Variants in FAR2 observed in about 807,000 individuals in gnomAD.
FAR2 encodes fatty acyl-CoA reductase 2.
A neutral mutation model predicts 56.0 loss-of-function variants in FAR2; 19 were observed. The ratio of observed to expected loss-of-function variants is 0.34; its 90% CI spans 0.24 to 0.50. FAR2 has a LOEUF of 0.50. Ranked by LOEUF, FAR2 falls within the 20% of genes least tolerant of loss-of-function variation. The pLI, the probability that FAR2 is intolerant of heterozygous loss-of-function variation, is 0.98. For synonymous variants in FAR2, 219 were observed against 218.8 expected, an observed-to-expected ratio of 1.00 and a Z score of -0.01; for missense variants, 508 against 642.2, an observed-to-expected ratio of 0.79 and a Z score of 2.26.
chr12:29,186,641 AT>A (rs1950043077), intron 1 of FAR2, among the ~76,000 whole-genome samples: 1 of 152,124 alleles, frequency 6.6e-6, no homozygotes, highest in African/African-American at 2.4e-5. Flanking sequence ...TTTCTGAAAA[AT>A]ATGCAATATC....
At chr12:29,172,246 C>G (rs773345478) in intron 1 of FAR2, among the ~76,000 whole-genome samples, 4 of 149,646 alleles carry the variant, frequency 2.7e-5, no homozygotes, top group Non-Finnish European at 5.9e-5. Flanking sequence ...TGGTCGCTGC[C>G]CCATCTGGGA....
intron 1 of FAR2, among the ~76,000 whole-genome samples, chr12:29,149,804 G>A (rs949311775): frequency 6.6e-6 from 1 of 152,216 alleles, no homozygotes; most frequent in African/African-American, 2.4e-5. Context: ...GGCCTCCTGG[G>A]CCCTTGGGGC....
At chr12:29,240,532 A>T (rs77727512) in intron 1 of FAR2, among the ~76,000 whole-genome samples, 19 of 127,498 alleles carry the variant, frequency 1.5e-4, no homozygotes, top group Non-Finnish European at 2.2e-4. Flanking sequence ...TTTTTTTTTT[A>T]ATTTGAAAAT....
chr12:29,306,512 G>T (rs1263598661), intron 4 of FAR2, among the ~76,000 whole-genome samples: 1 of 152,112 alleles, frequency 6.6e-6, no homozygotes, highest in African/African-American at 2.4e-5. Flanking sequence ...AAATAGTATA[G>T]TTCTGTTCTG....
intron 1 of FAR2, chr12:29,223,628 A>G (rs950308232): frequency 7.9e-5 from 12 of 152,312 alleles, no homozygotes; most frequent in East Asian, 1.9e-4. Flanking sequence ...ATTTCACAAT[A>G]CAAAGATGAT....
chr12:29,324,092 G>A (rs140331445), intron 10 of FAR2, among the ~76,000 whole-genome samples: 2,032 of 152,294 alleles, frequency 0.013, 22 homozygotes, highest in Non-Finnish European at 0.022. Flanking sequence ...CGAGAACTAC[G>A]TGACGAATGC....
intron 1 of FAR2, among the ~76,000 whole-genome samples, chr12:29,174,563 G>T (rs1949918888): frequency 1.3e-5 from 2 of 150,770 alleles, no homozygotes; most frequent in Admixed American, 1.3e-4. Flanking sequence ...TGGCACTACA[G>T]GGGCCCACCA....
chr12:29,194,715 G>A (rs957148256), intron 1 of FAR2, among the ~76,000 whole-genome samples: 10 of 152,142 alleles, frequency 6.6e-5, no homozygotes, highest in African/African-American at 2.2e-4. Context: ...CAGGGTTGGG[G>A]TGAGGGTGGC....
At chr12:29,262,155 A>T (rs943778439) in intron 1 of FAR2, among the ~76,000 whole-genome samples, 1 of 152,228 alleles carries the variant, frequency 6.6e-6, no homozygotes, top group African/African-American at 2.4e-5. Context: ...AAAGTTAAAA[A>T]GTGGCAAGAT....
At chr12:29,332,863 T>C (rs1565529769) in intron 11 of FAR2, 136 bp downstream of exon 11, 1 of 819,738 alleles carries the variant, frequency 1.2e-6, no homozygotes, top group Non-Finnish European at 2.0e-6. Context: ...CTCCATACTC[T>C]ACCCTGTAAC....
chr12:29,330,184 G>T (rs540294264), intron 10 of FAR2, among the ~76,000 whole-genome samples: 1 of 150,448 alleles, frequency 6.6e-6, no homozygotes, highest in South Asian at 2.1e-4. Flanking sequence ...AACCTCCCAA[G>T]TAGCTGCGAC....
chr12:29,270,586 C>T lies in FAR2; in HGVS notation c.137C>T (p.Pro46Leu), dbSNP rs1565498021. The T allele has an allele frequency of 6.2e-7, 1 of 1,613,986 alleles. No individual in the cohort carries two copies. Among genetic ancestry groups the T allele is most frequent in the Non-Finnish European group, 8.5e-7 (1 of 1,179,928 alleles). ...AAAGTCATTTACATCCTTGTGAGGCCCAAGGCTGGCCAGACACTGCAGCAG... is the reference window on the plus strand; with the variant it reads ...AAAGTCATTTACATCCTTGTGAGGCTCAAGGCTGGCCAGACACTGCAGCAG... ...DLKVIYILVR[P>L]KAGQTLQQRV... Residue 46 changes from proline to leucine, a missense_variant, in exon 2 of 12, where the codon CCC becomes CTC. Physicochemically the swap from Pro to Leu is moderately conservative, Grantham distance 98 (BLOSUM62 -3). Transcript: ENST00000536681.
At chr12:29,315,154 A>C (rs1273657100) in intron 8 of FAR2, among the ~76,000 whole-genome samples, 1 of 152,222 alleles carries the variant, frequency 6.6e-6, no homozygotes, top group Non-Finnish European at 1.5e-5. Flanking sequence ...ATGGCCAAGG[A>C]AAGTCTCCCT....
intron 1 of FAR2, among the ~76,000 whole-genome samples, chr12:29,266,589 C>A (rs1565496133): frequency 6.6e-6 from 1 of 151,828 alleles, no homozygotes; most frequent in Admixed American, 6.6e-5. Flanking sequence ...GATATCAAAA[C>A]AGGGTGACTA....
intron 10 of FAR2, among the ~76,000 whole-genome samples, chr12:29,326,817 G>C (rs1156718120): frequency 2.0e-5 from 3 of 152,062 alleles, no homozygotes; most frequent in Admixed American, 1.3e-4. Context: ...ACAAAAACTG[G>C]AAGCATTCCC....
At chr12:29,229,433 A>G (rs1330683922) in intron 1 of FAR2, among the ~76,000 whole-genome samples, 3 of 152,228 alleles carry the variant, frequency 2.0e-5, no homozygotes, top group Non-Finnish European at 2.9e-5. Flanking sequence ...GTGTTGAGGA[A>G]CAAAAATAAA....
chr12:29,235,315 A>G (rs1433548924), intron 1 of FAR2, among the ~76,000 whole-genome samples: 38 of 152,228 alleles, frequency 2.5e-4, no homozygotes, highest in Admixed American at 2.5e-3. Flanking sequence ...ATTCCAAACA[A>G]TAGCTGGGAT....
chr12:29,269,449 A>G (rs985328662), intron 1 of FAR2, among the ~76,000 whole-genome samples: 5 of 152,260 alleles, frequency 3.3e-5, no homozygotes, highest in African/African-American at 1.2e-4. Context: ...TCAAACACAC[A>G]TGCTGTACAA....
chr12:29,213,655 A>T (rs997145781), intron 1 of FAR2, among the ~76,000 whole-genome samples: 1 of 147,180 alleles, frequency 6.8e-6, no homozygotes, highest in African/African-American at 2.5e-5. Context: ...GTGCCACTGC[A>T]CTCCAGCCTG....
Sources: gnomAD v4.1 joint callset for allele counts (sites outside exome capture counted in the v4.1 genomes callset) on GRCh38, gnomAD v4.1.1 for gene constraint, MANE v1.5 for transcripts, NCBI Gene and HGNC (gene_info 2026-07-23, HGNC 2026-07-21) for gene names.